FAM228B: variants seen among roughly 807,000 people sequenced by gnomAD.
FAM228B encodes protein FAM228B.
In FAM228B, 38 loss-of-function variants were observed where a neutral mutation model predicts 42.6. That is an observed-to-expected ratio of 0.89 (90% CI 0.69 to 1.17). FAM228B has a LOEUF of 1.17. FAM228B is among the 50% of genes most tolerant of loss of function. The pLI is 0.00. For synonymous variants in FAM228B, 109 were observed against 122.3 expected, an observed-to-expected ratio of 0.89 and a Z score of 0.72; for missense variants, 344 against 367.3, an observed-to-expected ratio of 0.94 and a Z score of 0.52.
chr2:24,136,050 C>CTTTT (rs1321416701), intron 3 of FAM228B, among the ~76,000 whole-genome samples: 1 of 70,674 alleles, frequency 1.4e-5, no homozygotes, highest in Non-Finnish European at 2.9e-5. Flanking sequence ...CTGGATAACC[C>CTTTT]TTCTTTTTTT....
At chr2:24,101,974 G>T (rs369989626) in intron 3 of FAM228B, among the ~76,000 whole-genome samples, 127 of 152,154 alleles carry the variant, frequency 8.3e-4, no homozygotes, top group African/African-American at 2.9e-3. Flanking sequence ...GAGCTACCGC[G>T]CCCGGTCCCT....
rs1330467309 is a variant in FAM228B at position 24,124,484 on chromosome 2, T to A, written c.99+24T>A. 2.1e-6 allele frequency: 3 copies of A among 1,461,944 alleles called. No homozygotes were observed. In the Admixed American group the frequency reaches 7.5e-5, roughly 36 times the overall value. The allele number at this position is 1,461,944 out of a possible 1,614,324, so 90.6% of individuals were successfully genotyped here. On this transcript the variant is annotated intron_variant, in intron 2 of 10. Coordinates refer to ENST00000615575, the MANE Select transcript of FAM228B (RefSeq NM_001145710.2). ...AGGTATATATCAAATAGTGTGGGAT[T>A]TGGAGATTTTTTTACTTGGATCGTT...
At position 24,080,863 on chromosome 2, in the gene FAM228B, T is replaced by C. The variant is rs746655102; in HGVS notation, c.-289-13T>C. 6.2e-7 allele frequency: 1 copy of C among 1,614,258 alleles called. No individual in the cohort carries two copies. The highest frequency in any genetic ancestry group is 8.5e-7 in the Non-Finnish European group (1 of 1,180,052). On this transcript the variant is annotated splice_polypyrimidine_tract_variant and intron_variant, in intron 1 of 10. Coordinates refer to the FAM228B transcript ENST00000613899. The surrounding 1 kb of genome is among the most constrained non-coding windows in gnomAD (Gnocchi z 4.7). ...TGCTTCAGAGAAATCCTCTTTTTTGTAATTGAATCCAGCAGCTGCTCCAAG... is the reference window on the plus strand; with the variant it reads ...TGCTTCAGAGAAATCCTCTTTTTTGCAATTGAATCCAGCAGCTGCTCCAAG...
At chr2:24,121,133 C>G, upstream of FAM228B, 2 of 1,612,222 alleles carry the variant, frequency 1.2e-6, no homozygotes, top group Non-Finnish European at 1.7e-6. Flanking sequence ...TTTTCTTTTA[C>G]TCAGCTCTCT....
chr2:24,111,435 C>T (rs546857443), intron 3 of FAM228B, among the ~76,000 whole-genome samples: 2 of 152,274 alleles, frequency 1.3e-5, no homozygotes, highest in Non-Finnish European at 2.9e-5. Context: ...GTCTTGCAGG[C>T]TTGAGAGCCA....
At chr2:24,079,645 C>T (rs1664915594) in intron 1 of FAM228B, 1 of 1,612,320 alleles carries the variant, frequency 6.2e-7, no homozygotes, top group Admixed American at 1.7e-5. Flanking sequence ...CAGCACCTTC[C>T]ATAGGAAACA....
At chr2:24,101,317 A>G (rs1207447102) in intron 3 of FAM228B, among the ~76,000 whole-genome samples, 1 of 152,122 alleles carries the variant, frequency 6.6e-6, no homozygotes, top group Admixed American at 6.6e-5. Flanking sequence ...TTTTCATTCC[A>G]CTGTTTTCAT....
At chr2:24,099,530 A>G (rs1014170503) in intron 3 of FAM228B, among the ~76,000 whole-genome samples, 1 of 152,208 alleles carries the variant, frequency 6.6e-6, no homozygotes, top group African/African-American at 2.4e-5. Context: ...TGCTACAAAG[A>G]GAATAAAATA....
intron 8 of FAM228B, among the ~76,000 whole-genome samples, 199 bp downstream of exon 8, chr2:24,161,812 A>G (rs1256057932): frequency 2.0e-5 from 3 of 152,172 alleles, no homozygotes; most frequent in Non-Finnish European, 4.4e-5. Flanking sequence ...CTTAAAGAAC[A>G]AGTAGGCTGG....
intron 2 of FAM228B, among the ~76,000 whole-genome samples, chr2:24,132,381 G>A (rs933679138): frequency 6.8e-6 from 1 of 147,958 alleles, no homozygotes; most frequent in Non-Finnish European, 1.5e-5. Context: ...TCAATTGTTT[G>A]AAATAGTTTC....
chr2:24,148,425 T>C (rs1354190846), intron 7 of FAM228B, among the ~76,000 whole-genome samples: 2 of 152,212 alleles, frequency 1.3e-5, no homozygotes, highest in African/African-American at 4.8e-5. Context: ...AGCAGGACTT[T>C]CCTGAGGTTC....
chr2:24,084,101 C>A lies in FAM228B; in HGVS notation c.-210+3146C>A. On this transcript the variant is annotated intron_variant, in intron 2 of 10. Transcript: ENST00000613899. This position sits in a 1 kb window ranked among gnomAD's most constrained non-coding sequence, Gnocchi z 8.4. Reference sequence around the variant, plus strand: ...CCTGCTGGGTGTGGAGCGGTGCACGCCTTCACGTCTGGTCAATGTCCACTG... The same window carrying A: ...CCTGCTGGGTGTGGAGCGGTGCACGACTTCACGTCTGGTCAATGTCCACTG... 1 of 1,500,660 alleles carries A rather than the reference C, an allele frequency of 6.7e-7. No individual in the cohort carries two copies. Among genetic ancestry groups the A allele is most frequent in the Admixed American group, 2.2e-5 (1 of 46,224 alleles). 93.0% of individuals were successfully genotyped at this position (1,500,660 alleles called of 1,614,324 possible).
At chr2:24,125,747 G>T (rs1314668749) in intron 2 of FAM228B, among the ~76,000 whole-genome samples, 4 of 152,030 alleles carry the variant, frequency 2.6e-5, no homozygotes, top group African/African-American at 9.7e-5. Context: ...ATTTTTAGTA[G>T]AGACGGGGTT....
intron 5 of FAM228B, among the ~76,000 whole-genome samples, chr2:24,141,534 G>A (rs1363294294): frequency 2.6e-5 from 4 of 152,020 alleles, no homozygotes; most frequent in South Asian, 4.2e-4. Flanking sequence ...TTGAGCCACC[G>A]CGCCCGGCCT....
At chr2:24,115,699 A>G (rs186669334) in intron 3 of FAM228B, 51 of 1,437,422 alleles carry the variant, frequency 3.5e-5, no homozygotes, top group Non-Finnish European at 4.6e-5. Context: ...TTCCACAAAC[A>G]TTGCCAGGTG....
intron 7 of FAM228B, among the ~76,000 whole-genome samples, chr2:24,159,304 G>T (rs1046673610): frequency 5.9e-5 from 9 of 152,172 alleles, no homozygotes; most frequent in Non-Finnish European, 1.3e-4. Context: ...ATCATGTATT[G>T]AGTTGTAATT....
intron 9 of FAM228B, chr2:24,165,263 G>A (rs192532374): frequency 5.0e-5 from 21 of 422,390 alleles, no homozygotes; most frequent in Non-Finnish European, 9.4e-5. Context: ...GGCTTGTACT[G>A]GACTCCTCAT....
At position 24,124,331 on chromosome 2, in the gene FAM228B, T is replaced by G; in HGVS notation, c.-31T>G. ...AATACTAAATAAGATGATTTTTAGTTTTTCCAGGGGCATTGTTATTTGTGA... is the reference window on the plus strand; with the variant it reads ...AATACTAAATAAGATGATTTTTAGTGTTTCCAGGGGCATTGTTATTTGTGA... On this transcript the variant is annotated splice_region_variant and 5_prime_UTR_variant, in exon 2 of 11. Coordinates refer to ENST00000615575, the MANE Select transcript of FAM228B (RefSeq NM_001145710.2). 1 of 1,434,230 alleles carries G rather than the reference T, an allele frequency of 7.0e-7. No individual in the cohort carries two copies. Among genetic ancestry groups the G allele is most frequent in the South Asian group, 1.3e-5 (1 of 78,024 alleles). 88.8% of individuals were successfully genotyped at this position (1,434,230 alleles called of 1,614,324 possible).
intron 1 of FAM228B, chr2:24,079,537 C>T (rs1664907709): frequency 1.2e-6 from 2 of 1,614,152 alleles, no homozygotes; most frequent in Admixed American, 1.7e-5. Flanking sequence ...CACCTCCTCC[C>T]ATCAGACCAT....
Sources: allele counts gnomAD v4.1 joint callset (sites outside exome capture counted in the v4.1 genomes callset), GRCh38; gene constraint gnomAD v4.1.1; non-coding constraint Gnocchi (gnomAD v3.1); transcripts MANE v1.5; gene names NCBI Gene and HGNC (gene_info 2026-07-23, HGNC 2026-07-21).